IL20RB: variants seen among roughly 807,000 people sequenced by gnomAD.
The protein encoded by IL20RB is interleukin 20 receptor subunit beta.
A neutral mutation model predicts 33.3 loss-of-function variants in IL20RB; 21 were observed. That is an observed-to-expected ratio of 0.63 (90% CI 0.45 to 0.91). The LOEUF is 0.91. Among genes scored for constraint, IL20RB ranks in the 40% least tolerant of loss-of-function variants. IL20RB has a pLI of 0.00. For synonymous variants in IL20RB, 147 were observed against 146.8 expected (o/e 1.00, Z -0.01); for missense variants, 345 against 384.8 (o/e 0.90, Z 0.86).
chr3:136,986,394 T>C (rs1014892072), intron 3 of IL20RB, among the ~76,000 whole-genome samples: 3 of 152,184 alleles, frequency 2.0e-5, no homozygotes, highest in African/African-American at 7.2e-5. Context: ...AACTTCAGAT[T>C]ATTTTCTCTA....
intron 1 of IL20RB, 37 bp from the exon 2 acceptor site, chr3:136,980,429 G>A (rs943614297): frequency 1.2e-6 from 2 of 1,613,694 alleles, no homozygotes; most frequent in African/African-American, 2.7e-5. Context: ...CCCACTATGA[G>A]CCCACCTGTC....
Position 136,989,554 on chromosome 3 carries a change from C to G in IL20RB, c.520C>G (p.Pro174Ala), listed in dbSNP as rs1342334408. The G allele has an allele frequency of 6.2e-7, 1 of 1,613,648 alleles. No individual in the cohort carries two copies. The highest frequency in any genetic ancestry group is 8.5e-7 in the Non-Finnish European group (1 of 1,179,794). ...CCTTGTGGCCTACTGGAGGAGGGAG[C>G]CTGGTGCCGAGGTGAGACTCCAGCC... ...EFLVAYWRRE[P>A]GAEEHVKMVR... Residue 174 changes from proline to alanine, a missense_variant, in exon 4 of 7, where the codon CCT (proline) becomes GCT (alanine). Transcript: ENST00000329582.
At chr3:136,963,861 A>T (rs1941302534) in intron 1 of IL20RB, among the ~76,000 whole-genome samples, 1 of 79,780 alleles carries the variant, frequency 1.3e-5, no homozygotes, top group African/African-American at 5.0e-5. Context: ...ACCCCACCAC[A>T]GTCCCCAGAG....
At chr3:136,996,097 TTAGGGGACCC>T (rs1313063107) in intron 6 of IL20RB, among the ~76,000 whole-genome samples, 2 of 152,068 alleles carry the variant, frequency 1.3e-5, no homozygotes, top group African/African-American at 4.8e-5. Context: ...ACTGCCTGAG[TTAGGGGACCC>T]TACCTGTATT....
chr3:137,004,068 T>C (rs1288162069), intron 6 of IL20RB, among the ~76,000 whole-genome samples: 1 of 152,224 alleles, frequency 6.6e-6, no homozygotes, highest in African/African-American at 2.4e-5. Context: ...TTATGTTTAT[T>C]GATTTGTGTA....
intron 1 of IL20RB, among the ~76,000 whole-genome samples, chr3:136,979,203 T>C (rs1032973833): frequency 5.9e-5 from 9 of 152,106 alleles, no homozygotes. Context: ...TTGTGGGTGC[T>C]CCAGGTGTTT....
intron 1 of IL20RB, among the ~76,000 whole-genome samples, chr3:136,973,208 G>A (rs1008630323): frequency 3.3e-5 from 5 of 151,922 alleles, no homozygotes; most frequent in African/African-American, 1.2e-4. Context: ...TTGGCTGGGC[G>A]CAGTGTCTCA....
chr3:136,987,277 AC>A (rs1941925790), intron 3 of IL20RB, among the ~76,000 whole-genome samples: 1 of 152,040 alleles, frequency 6.6e-6, no homozygotes, highest in African/African-American at 2.4e-5. Context: ...AAGGTTCTCC[AC>A]GTCCCCACCA....
chr3:136,958,234 G>A, intron 1 of IL20RB, 33 bp downstream of exon 1: 1 of 1,404,070 alleles, frequency 7.1e-7, no homozygotes, highest in Non-Finnish European at 1.0e-6. Flanking sequence ...CCAATAGTTT[G>A]GGCCTTGAAT....
intron 4 of IL20RB, 89 bp downstream of exon 4, chr3:136,989,654 A>C: frequency 6.7e-7 from 1 of 1,483,186 alleles, no homozygotes; most frequent in Non-Finnish European, 9.3e-7. Flanking sequence ...GCCCCTGCTC[A>C]CTGGGTGACC....
intron 5 of IL20RB, 151 bp downstream of exon 5, chr3:136,992,239 A>G (rs1476758644): frequency 3.7e-6 from 3 of 803,952 alleles, no homozygotes; most frequent in South Asian, 4.2e-5. Flanking sequence ...TAGTGAAATT[A>G]TGTTTGTGAA....
At position 137,010,942 on chromosome 3, in the gene IL20RB, C is replaced by G. The variant is rs1272323590; in HGVS notation, c.*719C>G. 1 of 152,210 alleles carries G rather than the reference C, an allele frequency of 6.6e-6. No individual in the cohort carries two copies. The highest frequency in any genetic ancestry group is 1.5e-5 in the Non-Finnish European group (1 of 68,058). 9.4% of individuals were successfully genotyped at this position (152,210 alleles called of 1,614,324 possible). ...GTTGACAGTGTGTGCACACTGCAGA[C>G]AGCAGGTGAAATGTATGTGTGCAAT... On this transcript the variant is annotated 3_prime_UTR_variant, in exon 7 of 7. Transcript: ENST00000329582.
At chr3:136,996,525 G>A (rs963252393) in intron 6 of IL20RB, among the ~76,000 whole-genome samples, 1 of 152,114 alleles carries the variant, frequency 6.6e-6, no homozygotes, top group African/African-American at 2.4e-5. Flanking sequence ...TCTGAAAGGA[G>A]TCATCCTTGT....
At chr3:136,980,167 A>T (rs1460459875) in intron 1 of IL20RB, among the ~76,000 whole-genome samples, 1 of 152,188 alleles carries the variant, frequency 6.6e-6, no homozygotes, top group Non-Finnish European at 1.5e-5. Context: ...ATTAGTCATT[A>T]TTATTATTAA....
intron 1 of IL20RB, among the ~76,000 whole-genome samples, chr3:136,961,881 A>C (rs1470174491): frequency 6.6e-6 from 1 of 152,226 alleles, no homozygotes; most frequent in African/African-American, 2.4e-5. Context: ...ATTAATAAAA[A>C]TAACATGAGT....
intron 1 of IL20RB, among the ~76,000 whole-genome samples, chr3:136,963,481 T>A (rs1214189531): frequency 2.0e-5 from 3 of 152,182 alleles, no homozygotes; most frequent in African/African-American, 7.2e-5. Context: ...TTTTAGCCAT[T>A]CTGATAACTG....
intron 6 of IL20RB, among the ~76,000 whole-genome samples, chr3:137,009,370 C>G (rs1933023469): frequency 6.6e-6 from 1 of 152,100 alleles, no homozygotes; most frequent in South Asian, 2.1e-4. Flanking sequence ...TGATTGTGTA[C>G]TGGGGCCACT....
At chr3:136,999,568 T>G (rs1432554696) in intron 6 of IL20RB, among the ~76,000 whole-genome samples, 1 of 151,766 alleles carries the variant, frequency 6.6e-6, no homozygotes, top group African/African-American at 2.4e-5. Flanking sequence ...TTTTTTTTTT[T>G]TTTGTCTCAT....
At chr3:136,979,805 G>A (rs978983453) in intron 1 of IL20RB, among the ~76,000 whole-genome samples, 2 of 152,222 alleles carry the variant, frequency 1.3e-5, no homozygotes, top group African/African-American at 4.8e-5. Flanking sequence ...GGCAACTGAT[G>A]ACCCATTTGG....
Sources: gnomAD v4.1 joint callset for allele counts (sites outside exome capture counted in the v4.1 genomes callset) on GRCh38, gnomAD v4.1.1 for gene constraint, MANE v1.5 for transcripts, NCBI Gene and HGNC (gene_info 2026-07-23, HGNC 2026-07-21) for gene names.